Variants in LRP1B observed in about 807,000 individuals in gnomAD.
LRP1B encodes low-density lipoprotein receptor-related protein 1B.
In LRP1B, 217 loss-of-function variants were observed where a neutral mutation model predicts 556.6. That is an observed-to-expected ratio of 0.39 (90% confidence interval 0.35 to 0.44). The LOEUF is 0.44. Ranked by LOEUF, LRP1B falls within the 20% of genes least tolerant of loss-of-function variation. The pLI is 1.00. For synonymous variants in LRP1B, 2,047 were observed against 1,865.8 expected (o/e 1.10, Z -2.50); for missense variants, 5,053 against 5,620.8 (o/e 0.90, Z 3.23).
At chr2:140,551,311 T>G (rs16844236) in intron 43 of LRP1B, among the ~76,000 whole-genome samples, 1 of 152,044 alleles carries the variant, frequency 6.6e-6, no homozygotes, top group Admixed American at 6.6e-5. Flanking sequence ...TCTAAGATTG[T>G]CCTGGGAAAG....
intron 2 of LRP1B, among the ~76,000 whole-genome samples, chr2:141,663,170 T>C (rs1370628756): frequency 6.6e-6 from 1 of 152,112 alleles, no homozygotes; most frequent in Non-Finnish European, 1.5e-5. Context: ...CCAGAATATC[T>C]GGGATGCAGC....
At chr2:142,073,265 G>A (rs908985119) in intron 1 of LRP1B, among the ~76,000 whole-genome samples, 4 of 151,898 alleles carry the variant, frequency 2.6e-5, no homozygotes. Context: ...TATGTAAAAT[G>A]TACATGTTCT....
chr2:142,125,336 A>G (rs918604487), intron 1 of LRP1B, among the ~76,000 whole-genome samples: 2 of 151,746 alleles, frequency 1.3e-5, no homozygotes, highest in Non-Finnish European at 3.0e-5. Context: ...GAGGGTTCAT[A>G]TGTACTTGGT....
intron 3 of LRP1B, among the ~76,000 whole-genome samples, chr2:141,318,233 T>C (rs1399788983): frequency 2.0e-5 from 3 of 152,182 alleles, no homozygotes; most frequent in East Asian, 3.9e-4. Flanking sequence ...TTGTAACTTG[T>C]GCTGTTTCTG....
intron 52 of LRP1B, among the ~76,000 whole-genome samples, chr2:140,508,149 G>A (rs190804813): frequency 1.1e-4 from 16 of 152,090 alleles, no homozygotes; most frequent in African/African-American, 2.9e-4. Flanking sequence ...GAAAAACTTA[G>A]GTGCCTTCTA....
At chr2:141,570,050 T>C (rs977389372) in intron 2 of LRP1B, among the ~76,000 whole-genome samples, 2 of 150,892 alleles carry the variant, frequency 1.3e-5, no homozygotes, top group Non-Finnish European at 3.0e-5. Context: ...CAGTGCAATA[T>C]AGCAAGACCC....
chr2:142,061,587 C>T (rs972641225), intron 1 of LRP1B, among the ~76,000 whole-genome samples: 7 of 151,882 alleles, frequency 4.6e-5, no homozygotes, highest in Non-Finnish European at 1.0e-4. Flanking sequence ...TCATGAGAAA[C>T]ATTATTCAAT....
rs145189848 is a variant in LRP1B, at chr2:141,737,956, G to A, written c.205+72323C>T. 9.7e-3 allele frequency among the ~76,000 whole-genome samples: 1,472 copies of A among 151,970 alleles called. 25 individuals carry two copies. The highest frequency in any genetic ancestry group is 0.034 in the African/African-American group (1,418 of 41,438). Reference sequence around the variant, plus strand: ...CTATCAATATATCTGAACTAGCCACGTCTTTAATCTAGTTTTAAAATTCAG... The same window carrying A: ...CTATCAATATATCTGAACTAGCCACATCTTTAATCTAGTTTTAAAATTCAG... On this transcript the variant is annotated intron_variant, in intron 2 of 90. Transcript: ENST00000389484.
At chr2:141,705,931 A>C (rs1692120588) in intron 2 of LRP1B, among the ~76,000 whole-genome samples, 1 of 152,032 alleles carries the variant, frequency 6.6e-6, no homozygotes, top group African/African-American at 2.4e-5. Context: ...CCCCCAACCC[A>C]CATTTCCAGA....
intron 1 of LRP1B, among the ~76,000 whole-genome samples, chr2:141,993,030 T>TA (rs1271119644): frequency 6.6e-6 from 1 of 152,080 alleles, no homozygotes; most frequent in Non-Finnish European, 1.5e-5. Flanking sequence ...ATTCTAGTTT[T>TA]AAAAAATCCA....
Position 141,927,334 on chromosome 2 carries a change from G to A in LRP1B, c.83-116933C>T, listed in dbSNP as rs144208434. Among the ~76,000 whole-genome samples the A allele has an allele frequency of 3.8e-3, 581 of 152,120 alleles. 3 individuals carry two copies. Among genetic ancestry groups the A allele is most frequent in the Non-Finnish European group, 6.9e-3 (467 of 67,972 alleles). Reference sequence around the variant, plus strand: ...TAAACTTCAGAACTGTCCTCTACCTGTTTGTCTAAATTTGTCTAAAGTTTT... The same window carrying A: ...TAAACTTCAGAACTGTCCTCTACCTATTTGTCTAAATTTGTCTAAAGTTTT... On this transcript the variant is annotated intron_variant, in intron 1 of 90. Coordinates refer to ENST00000389484, the MANE Select transcript of LRP1B (RefSeq NM_018557.3).
intron 7 of LRP1B, among the ~76,000 whole-genome samples, chr2:141,066,590 T>C (rs918851618): frequency 6.6e-6 from 1 of 151,986 alleles, no homozygotes; most frequent in Non-Finnish European, 1.5e-5. Flanking sequence ...ATAATGCTTC[T>C]GTACTTTAAC....
intron 69 of LRP1B, 135 bp downstream of exon 69, chr2:140,372,873 C>G (rs1263797092): frequency 4.8e-5 from 43 of 888,802 alleles, no homozygotes; most frequent in Non-Finnish European, 6.9e-5. Flanking sequence ...AATTTATCCA[C>G]AGATTTGCAG....
chr2:141,803,700 T>C (rs35303704), intron 2 of LRP1B, among the ~76,000 whole-genome samples: 27,853 of 152,014 alleles, frequency 0.18, 3,012 homozygotes, highest in East Asian at 0.39. Flanking sequence ...GTTTCTATAG[T>C]CTACTTTCAG....
chr2:141,928,253 G>T (rs1218097897), intron 1 of LRP1B, among the ~76,000 whole-genome samples: 3 of 152,126 alleles, frequency 2.0e-5, no homozygotes, highest in Non-Finnish European at 2.9e-5. Flanking sequence ...GATTTAAGTT[G>T]AATATATTCT....
chr2:140,321,304 CAGCTTCT>C (rs1400987795), intron 82 of LRP1B, among the ~76,000 whole-genome samples: 131 of 151,242 alleles, frequency 8.7e-4, no homozygotes, highest in African/African-American at 2.7e-3. Flanking sequence ...TTGATTATTC[CAGCTTCT>C]AGCTTCTGAA....
chr2:141,949,880 G>A (rs571355733), intron 1 of LRP1B, among the ~76,000 whole-genome samples: 41 of 152,236 alleles, frequency 2.7e-4, no homozygotes, highest in African/African-American at 9.4e-4. Flanking sequence ...GATTTTGAGA[G>A]GATTATTTTT....
chr2:141,274,669 A>G (rs1464717506), intron 3 of LRP1B, among the ~76,000 whole-genome samples: 1 of 152,150 alleles, frequency 6.6e-6, no homozygotes, highest in Non-Finnish European at 1.5e-5. Context: ...AAATCTTTAG[A>G]TTTTCATACT....
intron 36 of LRP1B, 75 bp downstream of exon 36, chr2:140,716,607 A>C (rs540467807): frequency 7.0e-7 from 1 of 1,437,828 alleles, no homozygotes; most frequent in East Asian, 2.4e-5. Context: ...GAGTTAGAAA[A>C]GATTTTTTAT....
Sources: allele counts gnomAD v4.1 joint callset (sites outside exome capture counted in the v4.1 genomes callset), GRCh38; gene constraint gnomAD v4.1.1; transcripts MANE v1.5; gene names NCBI Gene and HGNC (gene_info 2026-07-23, HGNC 2026-07-21).